Variants in DMD observed in about 807,000 individuals in gnomAD.
DMD encodes the protein dystrophin.
Under a neutral mutation model 330.1 loss-of-function variants are expected in DMD, and 63 were observed. The observed-to-expected ratio is 0.19, with a 90% confidence interval of 0.16 to 0.24. DMD has a LOEUF of 0.24. DMD is among the 10% of genes least tolerant of loss of function. The pLI is 1.00. For synonymous variants in DMD, 1,223 were observed against 959.8 expected (o/e 1.27, Z -5.07); for missense variants, 3,344 against 2,684.1 (o/e 1.25, Z -5.43).
chrX:32,485,858 C>T (rs2042406760), intron 20 of DMD, among the ~76,000 whole-genome samples: 1 of 104,156 alleles, frequency 9.6e-6, no homozygotes, highest in Non-Finnish European at 1.9e-5. Context: ...ATTCTTCTGC[C>T]TCAGCCTCCT....
At chrX:32,545,101 C>G in intron 17 of DMD, 58 bp downstream of exon 17, 1 of 1,114,346 alleles carries the variant, frequency 9.0e-7, no homozygotes, top group Admixed American at 2.2e-5. Context: ...ACCAACAAAA[C>G]TGCTGTAAAT....
At chrX:32,490,651 C>A (rs1415727405) in intron 20 of DMD, among the ~76,000 whole-genome samples, 1 of 111,547 alleles carries the variant, frequency 9.0e-6, no homozygotes, top group East Asian at 2.8e-4. Context: ...CCATGAGGAT[C>A]TGACTGTCTC....
chrX:31,346,756 T>C (rs749728059), intron 61 of DMD, among the ~76,000 whole-genome samples: 2 of 109,465 alleles, frequency 1.8e-5, no homozygotes, highest in South Asian at 8.1e-4. Context: ...CCTAGCACTT[T>C]GGGAGGCCAA....
intron 62 of DMD, among the ~76,000 whole-genome samples, chrX:31,277,868 G>A (rs1229959327): frequency 9.1e-6 from 1 of 110,286 alleles, no homozygotes; most frequent in East Asian, 2.9e-4. Context: ...AGGTTGGAGT[G>A]GGGAAAATGG....
chrX:32,566,903 G>A (rs1160676137), intron 15 of DMD, among the ~76,000 whole-genome samples: 1 of 111,817 alleles, frequency 8.9e-6, no homozygotes, highest in Non-Finnish European at 1.9e-5. Flanking sequence ...CCCCATATTT[G>A]GCAGCAAATA....
chrX:33,195,170 G>A, intron 1 of DMD, among the ~76,000 whole-genome samples: 1 of 111,591 alleles, frequency 9.0e-6, no homozygotes, highest in African/African-American at 3.3e-5. Context: ...AGCTCCCAGG[G>A]TGGAAAATAA....
intron 2 of DMD, among the ~76,000 whole-genome samples, chrX:32,868,503 G>A (rs1442807748): frequency 8.9e-6 from 1 of 112,012 alleles, no homozygotes; most frequent in African/African-American, 3.3e-5. Flanking sequence ...AGAGGACTGA[G>A]CTCCTGTAGG....
At chrX:31,961,186 T>C (rs767950133) in intron 45 of DMD, among the ~76,000 whole-genome samples, 38 of 112,143 alleles carry the variant, frequency 3.4e-4, no homozygotes, top group Non-Finnish European at 6.2e-4. Context: ...ATACCTAAAA[T>C]ATTATTAACC....
intron 55 of DMD, among the ~76,000 whole-genome samples, chrX:31,554,277 C>A (rs5927768): frequency 0.28 from 31,068 of 110,194 alleles, 3,345 homozygotes; most frequent in African/African-American, 0.36. Flanking sequence ...AGATTAAAAA[C>A]AATGATATCT....
intron 47 of DMD, among the ~76,000 whole-genome samples, chrX:31,921,512 C>T (rs1217000785): frequency 8.9e-6 from 1 of 111,860 alleles, no homozygotes; most frequent in East Asian, 2.8e-4. Context: ...GCTTTCTCCC[C>T]AAGAGCCATA....
At chrX:31,364,353 A>G (rs1387267282) in intron 60 of DMD, among the ~76,000 whole-genome samples, 1 of 112,016 alleles carries the variant, frequency 8.9e-6, no homozygotes, top group Non-Finnish European at 1.9e-5. Flanking sequence ...ACCAGTCTTT[A>G]AGCTCTCGGG....
intron 48 of DMD, among the ~76,000 whole-genome samples, chrX:31,849,884 T>G (rs1422847313): frequency 9.0e-6 from 1 of 111,221 alleles, no homozygotes; most frequent in Non-Finnish European, 1.9e-5. Context: ...AAACATTAAG[T>G]GTCCATTCAC....
chrX:31,692,364 AAAG>A (rs1187869319), intron 52 of DMD, among the ~76,000 whole-genome samples: 2 of 111,572 alleles, frequency 1.8e-5, no homozygotes, highest in African/African-American at 6.5e-5. Context: ...GAAACTACAA[AAAG>A]AAGAATGAAT....
rs1462622002 is a variant in DMD at position 31,120,878 on chromosome X, A to AATC, written c.*1038_*1040dup. The stretch of plus-strand genomic sequence containing the variant: ...AGGAAGCTGAATGTATCAATCAATC[A>AATC]ATCAATCAACCAACCAACCGATTAC... On this transcript the variant is annotated 3_prime_UTR_variant, in exon 79 of 79. Transcript: ENST00000357033. 1 of 110,222 alleles carries AATC rather than the reference A, an allele frequency of 9.1e-6. No individual in the cohort carries two copies. The highest frequency in any genetic ancestry group is 1.9e-5 in the Non-Finnish European group (1 of 53,093). 9.1% of individuals were successfully genotyped at this position (110,222 alleles called of 1,213,427 possible).
intron 1 of DMD, among the ~76,000 whole-genome samples, chrX:33,242,507 GGGTT>G (rs1472104840): frequency 8.9e-6 from 1 of 111,873 alleles, no homozygotes; most frequent in Non-Finnish European, 1.9e-5. Flanking sequence ...ATGGGCCTTT[GGGTT>G]GGTTCCACGA....
intron 44 of DMD, among the ~76,000 whole-genome samples, chrX:32,002,584 G>A (rs1287834138): frequency 9.0e-6 from 1 of 111,319 alleles, no homozygotes. Flanking sequence ...TAGTCTATAA[G>A]TAGCACAGCT....
At chrX:31,507,232 T>A (rs765267668) in intron 56 of DMD, 49 bp downstream of exon 56, 2 of 1,172,781 alleles carry the variant, frequency 1.7e-6, no homozygotes, top group Non-Finnish European at 2.3e-6. Flanking sequence ...GAGGAAAATT[T>A]GGCCATTTTA....
intron 1 of DMD, among the ~76,000 whole-genome samples, chrX:33,170,759 C>T (rs1325708266): frequency 9.0e-6 from 1 of 111,555 alleles, no homozygotes; most frequent in Non-Finnish European, 1.9e-5. Flanking sequence ...AAGTGGCTAC[C>T]ATACTGAACT....
chrX:32,877,964 CTTAA>C (rs778355781), intron 2 of DMD, among the ~76,000 whole-genome samples: 4 of 112,193 alleles, frequency 3.6e-5, no homozygotes, highest in South Asian at 3.6e-4. Flanking sequence ...AGAACATTTC[CTTAA>C]TTAAACTACT....
Sources: allele counts gnomAD v4.1 joint callset (sites outside exome capture counted in the v4.1 genomes callset), GRCh38; gene constraint gnomAD v4.1.1; transcripts MANE v1.5; gene names NCBI Gene and HGNC (gene_info 2026-07-23, HGNC 2026-07-21).